Variants in DNAAF9 observed in about 807,000 individuals in gnomAD.
The protein encoded by DNAAF9 is shulin.
Under a neutral mutation model 167.0 loss-of-function variants are expected in DNAAF9, and 90 were observed. The ratio of observed to expected loss-of-function variants is 0.54; its 90% CI spans 0.45 to 0.64. The LOEUF (loss-of-function observed/expected upper bound fraction) is 0.64. DNAAF9 is among the 30% of genes least tolerant of loss of function. DNAAF9 has a pLI of 0.00. For synonymous variants in DNAAF9, 491 were observed against 508.8 expected, an observed-to-expected ratio of 0.96 and a Z score of 0.47; for missense variants, 1,315 against 1,442.2, an observed-to-expected ratio of 0.91 and a Z score of 1.43.
chr20:3,249,655 C>A lies in DNAAF9; in HGVS notation c.*2917G>T, dbSNP rs1203085593. The A allele has an allele frequency of 6.6e-6, 1 of 152,198 alleles. No homozygotes were observed. Among genetic ancestry groups the A allele is most frequent in the Non-Finnish European group, 1.5e-5 (1 of 68,022 alleles). The allele number at this position is 152,198 out of a possible 1,614,324, so 9.4% of individuals were successfully genotyped here. On this transcript the variant is annotated 3_prime_UTR_variant, in exon 37 of 37. Coordinates refer to ENST00000252032, the MANE Select transcript of DNAAF9 (RefSeq NM_001009984.3). The stretch of plus-strand genomic sequence containing the variant: ...CTGGGACAATGAGGAAGCCAGTTCT[C>A]ACCTACTTTTTTGAGGTACAACTAT...
chr20:3,356,301 A>G (rs1295868109), intron 7 of DNAAF9, among the ~76,000 whole-genome samples: 4 of 152,318 alleles, frequency 2.6e-5, no homozygotes, highest in East Asian at 1.9e-4. Context: ...TACAGGCGTG[A>G]GCTGCTAATC....
chr20:3,269,163 TC>T (rs1199483619), intron 30 of DNAAF9, among the ~76,000 whole-genome samples: 2 of 151,608 alleles, frequency 1.3e-5, no homozygotes, highest in East Asian at 3.9e-4. Flanking sequence ...TGCCTTGGCC[TC>T]CCAAAGTGTT....
chr20:3,402,667 T>C lies in DNAAF9; in HGVS notation c.83+4808A>G, dbSNP rs540099411. Among the ~76,000 whole-genome samples, 247 of 152,168 alleles carry C rather than the reference T, an allele frequency of 1.6e-3. 11 individuals carry two copies. In the South Asian group the frequency reaches 0.05, roughly 31 times the overall value. Reference sequence around the variant, plus strand: ...AACGCAGCTCGCTGTAGCCTTGACCTCCTTGGCTCACATGATCCTCCCATC... The same window carrying C: ...AACGCAGCTCGCTGTAGCCTTGACCCCCTTGGCTCACATGATCCTCCCATC... On this transcript the variant is annotated intron_variant, in intron 1 of 36. Coordinates refer to ENST00000252032, the MANE Select transcript of DNAAF9 (RefSeq NM_001009984.3).
chr20:3,287,993 A>G (rs2068881456), intron 26 of DNAAF9, among the ~76,000 whole-genome samples: 1 of 152,244 alleles, frequency 6.6e-6, no homozygotes, highest in Non-Finnish European at 1.5e-5. Context: ...AACCACTGTC[A>G]CTGGGGCTTT....
intron 7 of DNAAF9, among the ~76,000 whole-genome samples, chr20:3,357,536 A>T (rs1389879654): frequency 6.6e-6 from 1 of 152,164 alleles, no homozygotes; most frequent in Admixed American, 6.6e-5. Context: ...CTAATGTAAA[A>T]ACTTTAATGC....
In DNAAF9 at chr20:3,252,372, C is replaced by T. The variant is rs2068207183; in HGVS notation, c.*200G>A. 2 of 500,230 alleles carry T rather than the reference C, an allele frequency of 4.0e-6. No individual in the cohort carries two copies. The highest frequency in any genetic ancestry group is 7.2e-6 in the Non-Finnish European group (2 of 276,580). 31.0% of individuals were successfully genotyped at this position (500,230 alleles called of 1,614,324 possible). A position where few individuals can be genotyped will look rare whatever the true frequency, so the allele number is the denominator to read the frequency against. On this transcript the variant is annotated 3_prime_UTR_variant, in exon 37 of 37. Transcript: ENST00000252032. ...CTCATCCTTGAGTATTCCCCCGACC[C>T]CCAAAATCAATGGTGCAGGTGATGC...
At chr20:3,336,267 T>TGTTTTTTG (rs2069946499) in intron 10 of DNAAF9, among the ~76,000 whole-genome samples, 1 of 145,086 alleles carries the variant, frequency 6.9e-6, no homozygotes, top group African/African-American at 2.8e-5. Flanking sequence ...TGTTTTTTTT[T>TGTTTTTTG]TTTTTTTTGC....
intron 29 of DNAAF9, among the ~76,000 whole-genome samples, chr20:3,275,757 ACAGC>A (rs2068666195): frequency 6.6e-6 from 1 of 152,202 alleles, no homozygotes; most frequent in Admixed American, 6.5e-5. Flanking sequence ...CAAGGAGTGG[ACAGC>A]CAGATTTGGC....
chr20:3,381,792 AG>A (rs1318233140), intron 2 of DNAAF9, among the ~76,000 whole-genome samples: 1 of 152,222 alleles, frequency 6.6e-6, no homozygotes, highest in Non-Finnish European at 1.5e-5. Flanking sequence ...GCTTAAGAAT[AG>A]GGGTCAGAAA....
chr20:3,262,068 G>A (rs774256037), intron 31 of DNAAF9, among the ~76,000 whole-genome samples: 7 of 152,088 alleles, frequency 4.6e-5, no homozygotes, highest in Non-Finnish European at 1.0e-4. Flanking sequence ...TCTGACCCAC[G>A]TGAGAGGGGA....
rs138347165 is a variant in DNAAF9 at position 3,404,330 on chromosome 20, C to A, written c.83+3145G>T. On this transcript the variant is annotated intron_variant, in intron 1 of 36. Transcript: ENST00000252032. The stretch of plus-strand genomic sequence containing the variant: ...GGATTACAGGCGTGAGCCACCGTGC[C>A]CAGCCTGATTACTAGTTCTCATCAC... Among the ~76,000 whole-genome samples the A allele has an allele frequency of 3.3e-5, 5 of 152,258 alleles. No individual in the cohort carries two copies. The East Asian group carries it at 9.7e-4, about 29-fold the overall frequency.
At chr20:3,406,537 G>A (rs2084057345) in intron 1 of DNAAF9, among the ~76,000 whole-genome samples, 1 of 151,998 alleles carries the variant, frequency 6.6e-6, no homozygotes, top group East Asian at 1.9e-4. Flanking sequence ...CACTGCGCCG[G>A]CGCCCCACAC....
At chr20:3,314,375 G>A (rs1056855889) in intron 20 of DNAAF9, among the ~76,000 whole-genome samples, 3 of 152,186 alleles carry the variant, frequency 2.0e-5, no homozygotes, top group South Asian at 4.1e-4. Flanking sequence ...GACTCAAAGT[G>A]TGTGAGAGAT....
Position 3,278,937 on chromosome 20 carries a change from A to C in DNAAF9, c.2625T>G (p.Pro875=). The change falls in exon 29 of 37, where the codon CCT becomes CCG. Residue 875 remains proline (P), a synonymous_variant. Transcript: ENST00000252032. ...CTTGTGAACACTGGTCAAGACATTTAGGAAAGAGAAATCTAGGGGGAAAAA... is the reference window on the plus strand; with the variant it reads ...CTTGTGAACACTGGTCAAGACATTTCGGAAAGAGAAATCTAGGGGGAAAAA... The part of the protein sequence containing the change: ...SCYMEHRFLF[P]KCLDQCSQGL... 1 of 1,600,864 alleles carries C rather than the reference A, an allele frequency of 6.2e-7. No individual in the cohort carries two copies. The highest frequency in any genetic ancestry group is 1.1e-5 in the South Asian group (1 of 90,458).
intron 10 of DNAAF9, among the ~76,000 whole-genome samples, chr20:3,339,942 T>C (rs1326218082): frequency 6.6e-6 from 1 of 152,240 alleles, no homozygotes; most frequent in African/African-American, 2.4e-5. Flanking sequence ...ACAGCTTTCC[T>C]GATTGCCAGA....
At chr20:3,340,907 A>T (rs1401612838) in intron 9 of DNAAF9, among the ~76,000 whole-genome samples, 1 of 152,112 alleles carries the variant, frequency 6.6e-6, no homozygotes, top group Non-Finnish European at 1.5e-5. Context: ...TTTTTGAGGA[A>T]TAAGTTCCAT....
intron 21 of DNAAF9, 94 bp from the exon 22 acceptor site, chr20:3,298,269 A>G: frequency 1.0e-6 from 1 of 987,694 alleles, no homozygotes; most frequent in Non-Finnish European, 1.5e-6. Flanking sequence ...CAATTTCAGT[A>G]CAATTATTGT....
At chr20:3,277,910 C>T (rs1342884892) in intron 29 of DNAAF9, among the ~76,000 whole-genome samples, 3 of 152,164 alleles carry the variant, frequency 2.0e-5, no homozygotes, top group Admixed American at 1.3e-4. Context: ...CTGTTGTCTC[C>T]GCTCCCTGCG....
intron 7 of DNAAF9, among the ~76,000 whole-genome samples, chr20:3,350,170 C>CAG (rs1430909199): frequency 6.6e-6 from 1 of 150,782 alleles, no homozygotes; most frequent in Non-Finnish European, 1.5e-5. Context: ...CACACACACA[C>CAG]ACACACACAC....
Sources: gnomAD v4.1 joint callset for allele counts (sites outside exome capture counted in the v4.1 genomes callset) on GRCh38, gnomAD v4.1.1 for gene constraint, MANE v1.5 for transcripts, NCBI Gene and HGNC (gene_info 2026-07-23, HGNC 2026-07-21) for gene names.